Variants in IFIH1 observed in about 807,000 individuals in gnomAD.
IFIH1 encodes the protein interferon induced with helicase C domain 1, also known as interferon-induced helicase C domain-containing protein 1.
A neutral mutation model predicts 107.4 loss-of-function variants in IFIH1; 125 were observed. The ratio of observed to expected loss-of-function variants is 1.16; its 90% CI spans 1.01 to 1.35. The LOEUF is 1.35. Among genes scored for constraint, IFIH1 ranks in the 40% most tolerant of loss-of-function variants. The pLI is 0.00. For missense variants in IFIH1, 1,333 were observed against 1,213.7 expected (o/e 1.10, Z -1.46); for synonymous variants, 458 against 413.2 (o/e 1.11, Z -1.31).
intron 11 of IFIH1, among the ~76,000 whole-genome samples, chr2:162,274,689 C>T (rs13406986): frequency 0.094 from 14,270 of 152,080 alleles, 2,277 homozygotes; most frequent in African/African-American, 0.33. Context: ...TAAAATATGA[C>T]CTCTCATCCT....
chr2:162,289,690 C>G (rs1682962956), intron 4 of IFIH1, among the ~76,000 whole-genome samples: 1 of 151,798 alleles, frequency 6.6e-6, no homozygotes, highest in Non-Finnish European at 1.5e-5. Flanking sequence ...AAAATTCACA[C>G]CAAATACCAC....
rs1447613967 is a variant in IFIH1, at chr2:162,278,217, T to C, written c.1753A>G (p.Met585Val). 2 of 1,604,516 alleles carry C rather than the reference T, an allele frequency of 1.2e-6. No individual in the cohort carries two copies. Among genetic ancestry groups the C allele is most frequent in the Admixed American group, 1.7e-5 (1 of 57,746 alleles). The change falls in exon 9 of 16, where the codon ATG (methionine) becomes GTG (valine). Residue 585 changes from methionine to valine, a missense_variant. By Grantham distance (21) the Met-to-Val change is conservative. Transcript: ENST00000649979. ...TQPYEQWAIQ[M>V]EKKAAKEGNR... Reference sequence around the variant, plus strand: ...AAACCTAAATTACCTTTTTTTTCCATTTGAATGGCCCATTGTTCATAGGGT... The same window carrying C: ...AAACCTAAATTACCTTTTTTTTCCACTTGAATGGCCCATTGTTCATAGGGT...
intron 8 of IFIH1, among the ~76,000 whole-genome samples, chr2:162,279,372 A>T (rs551717362): frequency 6.6e-6 from 1 of 152,208 alleles, no homozygotes; most frequent in Admixed American, 6.6e-5. Context: ...TATCAAGTAC[A>T]TATGGCCAGA....
In IFIH1 at chr2:162,318,073, A is replaced by C; in HGVS notation, c.235T>G (p.Phe79Val). 2.5e-6 allele frequency: 4 copies of C among 1,614,130 alleles called. No individual in the cohort carries two copies. Among genetic ancestry groups the C allele is most frequent in the Non-Finnish European group, 3.4e-6 (4 of 1,180,014 alleles). Residue 79 changes from phenylalanine to valine, a missense_variant, in exon 1 of 16, where the codon TTC (phenylalanine) becomes GTC (valine). Phe to Val is a conservative substitution (Grantham distance 50, BLOSUM62 -1). Coordinates refer to ENST00000649979, the MANE Select transcript of IFIH1 (RefSeq NM_022168.4). ...GVWHLGWTREFVEALRRTGSP... is the reference protein window; with the variant it reads ...GVWHLGWTREVVEALRRTGSP... ...CCGGTTCTCCGGAGGGCCTCCACGAATTCCCGAGTCCAACCAAGGTGCCAG... is the reference window on the plus strand; with the variant it reads ...CCGGTTCTCCGGAGGGCCTCCACGACTTCCCGAGTCCAACCAAGGTGCCAG...
At chr2:162,276,574 CAGCCTG>C in intron 11 of IFIH1, 107 bp downstream of exon 11, 3 of 1,177,778 alleles carry the variant, frequency 2.5e-6, no homozygotes, top group Non-Finnish European at 2.4e-6. Flanking sequence ...CACTGCTCTT[CAGCCTG>C]AGTGACAGAG....
chr2:162,287,846 G>C (rs1214188109), intron 5 of IFIH1, among the ~76,000 whole-genome samples: 1 of 151,900 alleles, frequency 6.6e-6, no homozygotes, highest in African/African-American at 2.4e-5. Context: ...CCAGATAAGG[G>C]AAATAAAGGA....
At position 162,309,162 on chromosome 2, in the gene IFIH1, G is replaced by A. The variant is rs149930761; in HGVS notation, c.622+1603C>T. 4.7e-3 allele frequency among the ~76,000 whole-genome samples: 718 copies of A among 152,318 alleles called. 3 individuals are homozygous for A. The highest frequency in any genetic ancestry group is 7.5e-3 in the Non-Finnish European group (509 of 68,032). ...TCACATCTTAAGGCTTATAAGGCTT[G>A]AGAATAGCTCTGTTTGGTTTGATGC... On this transcript the variant is annotated intron_variant, in intron 2 of 15. Coordinates refer to ENST00000649979, the MANE Select transcript of IFIH1 (RefSeq NM_022168.4).
At chr2:162,279,687 C>T (rs1455976772) in intron 8 of IFIH1, among the ~76,000 whole-genome samples, 2 of 151,922 alleles carry the variant, frequency 1.3e-5, no homozygotes, top group Non-Finnish European at 2.9e-5. Flanking sequence ...AAGGCTAAAA[C>T]GAACTGTCAT....
Position 162,281,480 on chromosome 2 carries a change from T to C in IFIH1, c.1372A>G (p.Met458Val). 1.2e-6 allele frequency: 2 copies of C among 1,612,068 alleles called. No homozygotes were observed. The highest frequency in any genetic ancestry group is 1.7e-6 in the Non-Finnish European group (2 of 1,178,678). The change falls in exon 7 of 16, where the codon ATG (methionine) becomes GTG (valine). Residue 458 changes from methionine to valine, a missense_variant. Transcript: ENST00000649979. Reference protein sequence around the residue: ...TNKEAVYNNIMRHYLMQKLKN... With the variant: ...TNKEAVYNNIVRHYLMQKLKN... ...AACTTCTGCATCAAATAATGCCTCA[T>C]GATGTTATTATACACTGCTTCTTTG...
intron 3 of IFIH1, among the ~76,000 whole-genome samples, chr2:162,305,563 C>T (rs935257677): frequency 6.7e-6 from 1 of 150,134 alleles, no homozygotes; most frequent in Non-Finnish European, 1.5e-5. Flanking sequence ...GAGTGAGATT[C>T]CATCTCCAAA....
At position 162,268,211 on chromosome 2, in the gene IFIH1, G is replaced by A. The variant is rs1222241840; in HGVS notation, c.2683C>T (p.His895Tyr). The A allele has an allele frequency of 1.2e-6, 2 of 1,612,478 alleles. No homozygotes were observed. Among genetic ancestry groups the A allele is most frequent in the Middle Eastern group, 1.7e-4 (1 of 6,050 alleles). Reference sequence around the variant, plus strand: ...ATTAGTGATGGGTTATTCTTGTAATGCTTGGCAATATTTCTCTTGGTTTTC... The same window carrying A: ...ATTAGTGATGGGTTATTCTTGTAATACTTGGCAATATTTCTCTTGGTTTTC... ...KMKTKRNIAK[H>Y]YKNNPSLITF... is the part of the protein sequence containing the mutation. The change falls in exon 14 of 16, where the codon CAT becomes TAT. Residue 895 changes from histidine (H) to tyrosine (Y), a missense_variant. His to Tyr is a moderately conservative substitution (Grantham distance 83, BLOSUM62 2). Transcript: ENST00000649979.
chr2:162,284,009 C>T (rs1345007274), intron 5 of IFIH1, among the ~76,000 whole-genome samples: 5 of 151,148 alleles, frequency 3.3e-5, no homozygotes, highest in Non-Finnish European at 7.4e-5. Flanking sequence ...TAAAGTCTCT[C>T]TAATCTACCT....
Position 162,282,354 on chromosome 2 carries a change from A to G in IFIH1, c.1306+12T>C. Reference sequence around the variant, plus strand: ...TATTAATTTTTTTAAAAAAATAAACACTTAAACTGACCTGACAATTGAACA... The same window carrying G: ...TATTAATTTTTTTAAAAAAATAAACGCTTAAACTGACCTGACAATTGAACA... On this transcript the variant is annotated intron_variant, in intron 6 of 15. Transcript: ENST00000649979. 4 of 1,572,614 alleles carry G rather than the reference A, an allele frequency of 2.5e-6. No homozygotes were observed. The highest frequency in any genetic ancestry group is 3.5e-6 in the Non-Finnish European group (4 of 1,149,116).
Position 162,281,395 on chromosome 2 carries a change from C to G in IFIH1, c.1457G>C (p.Gly486Ala), listed in dbSNP as rs141748480. 7 of 1,612,808 alleles carry G rather than the reference C, an allele frequency of 4.3e-6. No individual in the cohort carries two copies. In the African/African-American group the frequency reaches 8.0e-5, roughly 18 times the overall value. The change falls in exon 7 of 16, where the codon GGA becomes GCA. Residue 486 changes from glycine (G) to alanine (A), a missense_variant. Coordinates refer to ENST00000649979, the MANE Select transcript of IFIH1 (RefSeq NM_022168.4). The stretch of plus-strand genomic sequence containing the variant: ...TCCAACACCAGGTGAAGCTGTTAGT[C>G]CCAGTATCTGAGGAAGGGGAATCAC... ...KPVIPLPQIL[G>A]LTASPGVGGA...
At chr2:162,314,416 T>TTTCTTTCTTTCCTTTCTTTC (rs71009355) in intron 1 of IFIH1, among the ~76,000 whole-genome samples, 2 of 51,444 alleles carry the variant, frequency 3.9e-5, no homozygotes, top group East Asian at 1.6e-3. Flanking sequence ...TCTTTCTTTC[T>TTTCTTTCTTTCCTTTCTTTC]TTTCTTTCTT....
intron 13 of IFIH1, among the ~76,000 whole-genome samples, chr2:162,270,635 T>C (rs1362389749): frequency 6.6e-6 from 1 of 152,182 alleles, no homozygotes; most frequent in Non-Finnish European, 1.5e-5. Flanking sequence ...TTCTAAAGAA[T>C]GTCTGGAAGA....
At chr2:162,291,628 A>G (rs1682998620) in intron 4 of IFIH1, among the ~76,000 whole-genome samples, 1 of 151,800 alleles carries the variant, frequency 6.6e-6, no homozygotes, top group East Asian at 1.9e-4. Context: ...CTTATGGCCC[A>G]TATATGACCT....
chr2:162,310,646 C>T (rs1683370172), intron 2 of IFIH1, 119 bp downstream of exon 2: 5 of 742,222 alleles, frequency 6.7e-6, no homozygotes, highest in South Asian at 5.1e-5. Flanking sequence ...CACATATGTT[C>T]CACTCTTAAA....
chr2:162,293,720 G>A (rs777620784), intron 3 of IFIH1, 52 bp from the exon 4 acceptor site: 18 of 1,190,676 alleles, frequency 1.5e-5, no homozygotes, highest in South Asian at 3.8e-5. Context: ...GAGAATAAAC[G>A]TATTTTAACT....
Sources: allele counts gnomAD v4.1 joint callset (sites outside exome capture counted in the v4.1 genomes callset), GRCh38; gene constraint gnomAD v4.1.1; transcripts MANE v1.5; gene names NCBI Gene and HGNC (gene_info 2026-07-23, HGNC 2026-07-21).